WSB2: variants seen among roughly 807,000 people sequenced by gnomAD.
WSB2 encodes the protein WD repeat and SOCS box-containing protein 2.
Under a neutral mutation model 48.8 loss-of-function variants are expected in WSB2, and 12 were observed. The observed-to-expected ratio is 0.25, with a 90% CI of 0.16 to 0.40. The LOEUF (loss-of-function observed/expected upper bound fraction) is 0.40. WSB2 is among the 10% of genes least tolerant of loss of function. The pLI is 1.00. For missense variants in WSB2, 317 were observed against 506.2 expected, an observed-to-expected ratio of 0.63 and a Z score of 3.59; for synonymous variants, 191 against 203.1, an observed-to-expected ratio of 0.94 and a Z score of 0.51.
chr12:118,040,692 T>C lies in WSB2; in HGVS notation c.559+2149A>G, dbSNP rs114185419. Among the ~76,000 whole-genome samples, 698 of 149,716 alleles carry C rather than the reference T, an allele frequency of 4.7e-3. 4 individuals carry two copies. The highest frequency in any genetic ancestry group is 0.011 in the Middle Eastern group (3 of 278). On this transcript the variant is annotated intron_variant, in intron 4 of 8. Transcript: ENST00000315436. ...AAAAGAGGCACTGCCTTGGAGAAGC[T>C]GTCCTGATCAGCAGCACATCTTAGA...
chr12:118,054,473 C>A (rs1435107458), intron 1 of WSB2, among the ~76,000 whole-genome samples: 1 of 151,794 alleles, frequency 6.6e-6, no homozygotes, highest in Non-Finnish European at 1.5e-5. Context: ...GAGTTCGAGA[C>A]CAGCCTGACC....
At position 118,033,238 on chromosome 12, in the gene WSB2, TAATCC is replaced by T. The variant is rs1345352771; in HGVS notation, c.*953_*957del. The T allele has an allele frequency of 6.6e-6, 1 of 152,518 alleles. No homozygotes were observed. The highest frequency in any genetic ancestry group is 2.4e-5 in the African/African-American group (1 of 41,560). The allele number at this position is 152,518 out of a possible 1,614,324, so 9.4% of individuals were successfully genotyped here. On this transcript the variant is annotated 3_prime_UTR_variant, in exon 9 of 9. Coordinates refer to ENST00000315436, the MANE Select transcript of WSB2 (RefSeq NM_018639.5). ...CGCAGTAGAGTTGAAACCAGCTGAT[TAATCC>T]AATGAAGTTAAACAGCAGAGACAGA...
intron 1 of WSB2, among the ~76,000 whole-genome samples, chr12:118,055,638 G>A (rs1379607277): frequency 1.1e-5 from 1 of 94,960 alleles, no homozygotes; most frequent in Admixed American, 1.5e-4. Context: ...TTTTTGAGAT[G>A]GAGTCTCACT....
chr12:118,061,887 C>G (rs1329170388), upstream of WSB2, among the ~76,000 whole-genome samples: 1 of 109,090 alleles, frequency 9.2e-6, no homozygotes, highest in East Asian at 2.5e-4. Flanking sequence ...TAACCGGGTG[C>G]TGGGGAGGAC....
In WSB2 at chr12:118,042,994, T is replaced by C. The variant is rs779706909; in HGVS notation, c.428-22A>G. The C allele has an allele frequency of 3.1e-6, 5 of 1,613,938 alleles. No homozygotes were observed. In the African/African-American group the frequency reaches 6.7e-5, roughly 22 times the overall value. On this transcript the variant is annotated intron_variant, in intron 3 of 8. Coordinates refer to ENST00000315436, the MANE Select transcript of WSB2 (RefSeq NM_018639.5). ...AGCCCTGGCATGGGAGCAGGGGCAC[T>C]GAGTCAGCCAGAGAGGGGGCACGAG...
chr12:118,042,496 G>A (rs995312898), intron 4 of WSB2: 1 of 229,388 alleles, frequency 4.4e-6, no homozygotes, highest in African/African-American at 2.3e-5. Context: ...TTCACCCCAA[G>A]AGGGTACAAA....
chr12:118,033,310 A>G lies in WSB2; in HGVS notation c.*886T>C, dbSNP rs1192366775. On this transcript the variant is annotated 3_prime_UTR_variant, in exon 9 of 9. Transcript: ENST00000315436. ...ATCAGCTAAAGTCATGACTACACCA[A>G]TTCTTTACACAATTAAGACATCTTT... The G allele has an allele frequency of 2.6e-5, 4 of 152,732 alleles. No individual in the cohort carries two copies. Among genetic ancestry groups the G allele is most frequent in the East Asian group, 1.9e-4 (1 of 5,186 alleles). The allele number at this position is 152,732 out of a possible 1,614,324, so 9.5% of individuals were successfully genotyped here.
At chr12:118,055,024 A>AG (rs1293441090) in intron 1 of WSB2, among the ~76,000 whole-genome samples, 1 of 151,156 alleles carries the variant, frequency 6.6e-6, no homozygotes, top group African/African-American at 2.4e-5. Flanking sequence ...TTAAAAAAAA[A>AG]AAAAAAGAAA....
At chr12:118,054,863 T>A (rs561227656) in intron 1 of WSB2, among the ~76,000 whole-genome samples, 10 of 151,354 alleles carry the variant, frequency 6.6e-5, no homozygotes, top group Admixed American at 2.0e-4. Flanking sequence ...TCAGAGGTTC[T>A]ATGTGTAAAT....
chr12:118,055,607 C>CTTTTTTTTTTTT (rs748354611), intron 1 of WSB2, among the ~76,000 whole-genome samples: 5 of 81,680 alleles, frequency 6.1e-5, no homozygotes, highest in African/African-American at 1.6e-4. Flanking sequence ...CTACATTATC[C>CTTTTTTTTTTTT]TTTTTTTTTT....
intron 4 of WSB2, 116 bp from the exon 5 acceptor site, chr12:118,038,504 AG>A (rs1228222743): frequency 1.1e-6 from 1 of 882,154 alleles, no homozygotes; most frequent in Admixed American, 2.9e-5. Context: ...AGCTCCTATC[AG>A]CTGGGCCCAA....
At chr12:118,059,322 T>A (rs1300117986) in intron 1 of WSB2, among the ~76,000 whole-genome samples, 1 of 152,252 alleles carries the variant, frequency 6.6e-6, no homozygotes, top group African/African-American at 2.4e-5. Context: ...TTCTTTTTTT[T>A]AATGTGGCTA....
At chr12:118,042,533 T>G in intron 4 of WSB2, 1 of 260,036 alleles carries the variant, frequency 3.8e-6, no homozygotes, top group Non-Finnish European at 7.3e-6. Context: ...AAAAAAATCT[T>G]AACATTTTTT....
chr12:118,057,151 G>C (rs1005117536), intron 1 of WSB2, among the ~76,000 whole-genome samples: 2 of 152,140 alleles, frequency 1.3e-5, no homozygotes, highest in Non-Finnish European at 1.5e-5. Context: ...GCCCTAATTA[G>C]TGCAGAACTT....
chr12:118,040,698 G>A (rs2031618239), intron 4 of WSB2, among the ~76,000 whole-genome samples: 1 of 151,502 alleles, frequency 6.6e-6, no homozygotes, highest in South Asian at 2.1e-4. Context: ...AAGCTGTCCT[G>A]ATCAGCAGCA....
At chr12:118,061,188 A>C (rs1444782450), upstream of WSB2, 10 of 979,576 alleles carry the variant, frequency 1.0e-5, no homozygotes, top group Non-Finnish European at 1.2e-5. Flanking sequence ...TTCCCGTCAC[A>C]TGGCGGTGGG....
rs777747241 is a variant in WSB2, at chr12:118,042,878, C to T, written c.522G>A (p.Arg174=). Residue 174 remains arginine, a synonymous_variant, in exon 4 of 9, where the codon CGG becomes CGA. Transcript: ENST00000315436. ...SGSLILVSAS[R]DKTLRIWDLN... ...GGTCCCAGATGCGAAGAGTCTTATC[C>T]CGTGACGCGGAGACCAAAATCAAAC... The T allele has an allele frequency of 6.2e-7, 1 of 1,614,168 alleles. No individual in the cohort carries two copies. The highest frequency in any genetic ancestry group is 1.1e-5 in the South Asian group (1 of 91,084).
chr12:118,043,243 G>A lies in WSB2; in HGVS notation c.317C>T (p.Pro106Leu), dbSNP rs201907723. Residue 106 changes from proline to leucine, a missense_variant, in exon 3 of 9, where the codon CCC becomes CTC. Pro to Leu is a moderately conservative substitution (Grantham distance 98, BLOSUM62 -3). Around this residue, in one of 2 missense-constraint regions of WSB2, gnomAD observed 128 missense variants for 156.7 expected, o/e 0.82. Transcript: ENST00000315436. ...GLAFSPWPSP[P>L]SRKLWARHHP... ...GTGGCGTGCCCAGAGCTTCCTGCTG[G>A]GTGGGGAAGGCCACGGGCTGAAGGC... 6.2e-7 allele frequency: 1 copy of A among 1,614,208 alleles called. No homozygotes were observed. The highest frequency in any genetic ancestry group is 8.5e-7 in the Non-Finnish European group (1 of 1,180,024).
rs754156594 is a variant in WSB2, at chr12:118,043,249, G to A, written c.311C>T (p.Ser104Phe). The change falls in exon 3 of 9, where the codon TCC becomes TTC. Residue 104 changes from serine to phenylalanine, a missense_variant. Coordinates refer to ENST00000315436, the MANE Select transcript of WSB2 (RefSeq NM_018639.5). The part of the protein sequence containing the change: ...VWGLAFSPWP[S>F]PPSRKLWARH... Reference sequence around the variant, plus strand: ...TGCCCAGAGCTTCCTGCTGGGTGGGGAAGGCCACGGGCTGAAGGCCAGCCC... The same window carrying A: ...TGCCCAGAGCTTCCTGCTGGGTGGGAAAGGCCACGGGCTGAAGGCCAGCCC... 1 of 1,614,236 alleles carries A rather than the reference G, an allele frequency of 6.2e-7. No individual in the cohort carries two copies.
Sources: gnomAD v4.1 joint callset for allele counts (sites outside exome capture counted in the v4.1 genomes callset) on GRCh38, gnomAD v4.1.1 for gene constraint, gnomAD v4.1.1 regional missense constraint, MANE v1.5 for transcripts, NCBI Gene and HGNC (gene_info 2026-07-23, HGNC 2026-07-21) for gene names.